The following SERPINB8 variants were observed in gnomAD, a reference collection of about 807,000 sequenced individuals.
The protein encoded by SERPINB8 is serpin B8.
SERPINB8 carries 25 observed loss-of-function variants against 35.3 expected under a neutral mutation model. The observed-to-expected ratio is 0.71, with a 90% CI of 0.52 to 0.99. The LOEUF (loss-of-function observed/expected upper bound fraction) is 0.99. Among genes scored for constraint, SERPINB8 ranks in the 50% least tolerant of loss-of-function variants. The probability of loss-of-function intolerance (pLI) is 0.00; values close to 1 mark genes in which losing one functional copy is unlikely to be tolerated. For missense variants in SERPINB8, 484 were observed against 446.5 expected (o/e 1.08, Z -0.76); for synonymous variants, 186 against 160.8 (o/e 1.16, Z -1.19).
At chr18:63,978,223 G>T (rs763150480) in intron 1 of SERPINB8, 76 bp from the exon 2 acceptor site, 25 of 1,527,258 alleles carry the variant, frequency 1.6e-5, no homozygotes, top group Non-Finnish European at 2.1e-5. Flanking sequence ...AGCGTCCACT[G>T]ACTGGGGGAT....
In SERPINB8 at chr18:63,988,921, G is replaced by C. The variant is rs979585877; in HGVS notation, c.*1643G>C. On this transcript the variant is annotated 3_prime_UTR_variant, in exon 7 of 7. Transcript: ENST00000397985. ...TTCACATATTTAACCTCTACAATAA[G>C]TTCTGACACATTTTCCATGAAACAA... 1 of 152,108 alleles carries C rather than the reference G, an allele frequency of 6.6e-6. No homozygotes were observed. The highest frequency in any genetic ancestry group is 6.5e-5 in the Admixed American group (1 of 15,276). 9.4% of individuals were successfully genotyped at this position (152,108 alleles called of 1,614,324 possible).
chr18:64,011,602 CCGCAAGTTCA>C (rs2050926281), intron 7 of SERPINB8, among the ~76,000 whole-genome samples: 1 of 152,088 alleles, frequency 6.6e-6, no homozygotes, highest in Non-Finnish European at 1.5e-5. Flanking sequence ...ATTGTTGTCA[CCGCAAGTTCA>C]TGTTGGTGCT....
intron 7 of SERPINB8, among the ~76,000 whole-genome samples, chr18:64,016,511 A>G (rs1218359857): frequency 6.6e-6 from 1 of 152,124 alleles, no homozygotes; most frequent in Non-Finnish European, 1.5e-5. Flanking sequence ...GAAGAGATAA[A>G]CTTTTTTATT....
chr18:63,982,219 G>A (rs1042710376), intron 4 of SERPINB8, among the ~76,000 whole-genome samples: 1 of 152,136 alleles, frequency 6.6e-6, no homozygotes, highest in Non-Finnish European at 1.5e-5. Flanking sequence ...TCTCCTCCGC[G>A]TGGTAATGGG....
chr18:64,011,883 C>T (rs142993235), intron 7 of SERPINB8, among the ~76,000 whole-genome samples: 123 of 152,214 alleles, frequency 8.1e-4, no homozygotes, highest in Non-Finnish European at 1.5e-3. Flanking sequence ...CTATACATAC[C>T]ATATGAAATA....
At chr18:64,016,428 T>TTTTGTTTTTTG (rs2050950511) in intron 7 of SERPINB8, among the ~76,000 whole-genome samples, 1 of 152,216 alleles carries the variant, frequency 6.6e-6, no homozygotes, top group Non-Finnish European at 1.5e-5. Flanking sequence ...GGTTTTTCAT[T>TTTTGTTTTTTG]TTTGTTTTTT....
At chr18:64,001,487 A>T (rs1202932506) in intron 1 of SERPINB8, among the ~76,000 whole-genome samples, 2 of 147,322 alleles carry the variant, frequency 1.4e-5, no homozygotes, top group African/African-American at 2.5e-5. Context: ...TTATTTATTT[A>T]TTTATTTATT....
chr18:63,976,637 G>A (rs2050586330), intron 1 of SERPINB8, among the ~76,000 whole-genome samples: 1 of 152,196 alleles, frequency 6.6e-6, no homozygotes, highest in South Asian at 2.1e-4. Context: ...AAGGAAGAAA[G>A]GGCCTAGAGG....
chr18:64,012,573 G>GTA (rs1568083106), intron 7 of SERPINB8, among the ~76,000 whole-genome samples: 9 of 93,032 alleles, frequency 9.7e-5, no homozygotes, highest in African/African-American at 3.4e-4. Flanking sequence ...GTGTATGTAT[G>GTA]TGTGTGTGTG....
chr18:63,983,478 C>G lies in SERPINB8; in HGVS notation c.425-101C>G, dbSNP rs563939438. 1,320 of 1,102,358 alleles carry G rather than the reference C, an allele frequency of 1.2e-3. 18 individuals are homozygous for G. Among genetic ancestry groups the G allele is most frequent in the South Asian group, 0.01 (718 of 71,686 alleles). 68.3% of individuals were successfully genotyped at this position (1,102,358 alleles called of 1,614,324 possible). ...GGGGCCCAGAAAGACAGAACTCCAGCCTGTCTCTCAACCAAGCCTCTGCCT... is the reference window on the plus strand; with the variant it reads ...GGGGCCCAGAAAGACAGAACTCCAGGCTGTCTCTCAACCAAGCCTCTGCCT... On this transcript the variant is annotated intron_variant, in intron 4 of 6. Transcript: ENST00000397985.
intron 2 of SERPINB8, among the ~76,000 whole-genome samples, chr18:63,978,989 G>A (rs533929436): frequency 1.2e-4 from 19 of 152,338 alleles, no homozygotes; most frequent in Non-Finnish European, 2.4e-4. Context: ...AAATGGTGAT[G>A]TATGACCTTA....
At chr18:64,001,119 C>A (rs2050872306) in intron 1 of SERPINB8, among the ~76,000 whole-genome samples, 1 of 152,162 alleles carries the variant, frequency 6.6e-6, no homozygotes, top group Admixed American at 6.5e-5. Flanking sequence ...CACATTTTAC[C>A]TTCATTTACT....
rs188896873 is a variant in SERPINB8 at position 64,017,729 on chromosome 18, A to T, written c.*3-1181A>T. ...GAACTTCCCTATGGAAACCCTGATC[A>T]TTAGAGATAGCAGCAGCCTCTGCAG... On this transcript the variant is annotated intron_variant, in intron 7 of 7. Transcript: ENST00000636430. Among the ~76,000 whole-genome samples, 19 of 152,328 alleles carry T rather than the reference A, an allele frequency of 1.2e-4. 1 individual carries two copies. The highest frequency in any genetic ancestry group is 4.3e-4 in the African/African-American group (18 of 41,570).
rs926376765 is a variant in SERPINB8 at position 63,988,564 on chromosome 18, A to C, written c.*1286A>C. The C allele has an allele frequency of 6.6e-6, 1 of 152,188 alleles. No individual in the cohort carries two copies. Among genetic ancestry groups the C allele is most frequent in the Non-Finnish European group, 1.5e-5 (1 of 68,038 alleles). 9.4% of individuals were successfully genotyped at this position (152,188 alleles called of 1,614,324 possible). Reference sequence around the variant, plus strand: ...TCCAAATTGGTCCCTAGAAAGTTACACTGGTTTGTACTCTCACTTATGTCA... The same window carrying C: ...TCCAAATTGGTCCCTAGAAAGTTACCCTGGTTTGTACTCTCACTTATGTCA... On this transcript the variant is annotated 3_prime_UTR_variant, in exon 7 of 7. Coordinates refer to ENST00000397985, the MANE Select transcript of SERPINB8 (RefSeq NM_002640.4).
At chr18:64,008,184 G>T (rs983946177), downstream of SERPINB8, among the ~76,000 whole-genome samples, 3 of 152,126 alleles carry the variant, frequency 2.0e-5, no homozygotes, top group Admixed American at 2.0e-4. Context: ...CATTCATTAA[G>T]CTTTAACACG....
chr18:63,982,944 G>A lies in SERPINB8; in HGVS notation c.425-635G>A, dbSNP rs2050694716. 2.6e-5 allele frequency among the ~76,000 whole-genome samples: 4 copies of A among 151,188 alleles called. No homozygotes were observed. In the South Asian group the frequency reaches 8.4e-4, roughly 32 times the overall value. ...TGCCCCATTCACCCCCTTCAGAGAG[G>A]CTGCCTTCTCCCATTGACAGATCTG... On this transcript the variant is annotated intron_variant, in intron 4 of 6. Coordinates refer to ENST00000397985, the MANE Select transcript of SERPINB8 (RefSeq NM_002640.4).
At chr18:63,978,169 A>T (rs910609321) in intron 1 of SERPINB8, 130 bp from the exon 2 acceptor site, 24 of 860,976 alleles carry the variant, frequency 2.8e-5, no homozygotes, top group Non-Finnish European at 4.3e-5. Flanking sequence ...TTTGGGAATT[A>T]GGAGTGGAAG....
At chr18:64,007,031 A>T (rs1599169130), downstream of SERPINB8, among the ~76,000 whole-genome samples, 1 of 152,162 alleles carries the variant, frequency 6.6e-6, no homozygotes, top group African/African-American at 2.4e-5. Context: ...GAGGATCTAA[A>T]AAATGAAAAC....
rs537757097 is a variant in SERPINB8, at chr18:64,018,809, C to T, written c.*3-101C>T. On this transcript the variant is annotated intron_variant, in intron 7 of 7. Transcript: ENST00000636430. ...CCTTGATATTGAAGTGCATATTTTCCTGGTTCTTGCTAAGATCATCAGAAT... is the reference window on the plus strand; with the variant it reads ...CCTTGATATTGAAGTGCATATTTTCTTGGTTCTTGCTAAGATCATCAGAAT... The T allele has an allele frequency of 8.9e-4, 136 of 152,284 alleles. 1 individual carries two copies. Among genetic ancestry groups the T allele is most frequent in the African/African-American group, 3.2e-3 (133 of 41,560 alleles). The allele number at this position is 152,284 out of a possible 1,614,324, so 9.4% of individuals were successfully genotyped here. A position where few individuals can be genotyped will look rare whatever the true frequency, so the allele number is the denominator to read the frequency against.
Sources: allele counts gnomAD v4.1 joint callset (sites outside exome capture counted in the v4.1 genomes callset), GRCh38; gene constraint gnomAD v4.1.1; transcripts MANE v1.5; gene names NCBI Gene and HGNC (gene_info 2026-07-23, HGNC 2026-07-21).